The following RORA variants were observed in gnomAD, a reference collection of about 807,000 sequenced individuals.
RORA encodes RAR related orphan receptor A.
In RORA, 7 loss-of-function variants were observed where a neutral mutation model predicts 69.5. The ratio of observed to expected loss-of-function variants is 0.10; its 90% CI spans 0.06 to 0.19. RORA has a LOEUF of 0.19. Ranked by LOEUF, RORA falls within the 10% of genes least tolerant of loss-of-function variation. The pLI is 1.00. For missense variants in RORA, 457 were observed against 663.0 expected (o/e 0.69, Z 3.41); for synonymous variants, 261 against 240.8 (o/e 1.08, Z -0.78).
intron 1 of RORA, among the ~76,000 whole-genome samples, chr15:61,169,643 G>GAA (rs59638048): frequency 1.9e-4 from 16 of 86,290 alleles, no homozygotes; most frequent in African/African-American, 5.4e-4. Flanking sequence ...CCATTTTCAT[G>GAA]AAAAAAAAAA....
In RORA at chr15:60,847,369, G is replaced by A. The variant is rs117826238; in HGVS notation, c.167-168683C>T. Among the ~76,000 whole-genome samples the A allele has an allele frequency of 8.4e-3, 1,272 of 152,162 alleles. 12 individuals are homozygous for A. The highest frequency in any genetic ancestry group is 0.037 in the Middle Eastern group (11 of 294). On this transcript the variant is annotated intron_variant, in intron 1 of 10. Coordinates refer to ENST00000335670, the MANE Select transcript of RORA (RefSeq NM_134261.3). Reference sequence around the variant, plus strand: ...TGGCTGAACCTCATCAGCTTCACCAGAGGACACATCCTTTCTAGAATCTCC... The same window carrying A: ...TGGCTGAACCTCATCAGCTTCACCAAAGGACACATCCTTTCTAGAATCTCC...
rs765883784 is a variant in RORA at position 60,597,617 on chromosome 15, T to TATATAC, written c.197-65767_197-65766insGTATAT. Among the ~76,000 whole-genome samples the TATATAC allele has an allele frequency of 3.7e-4, 16 of 43,526 alleles. 1 individual carries two copies. Among genetic ancestry groups the TATATAC allele is most frequent in the South Asian group, 1.5e-3 (2 of 1,298 alleles). The allele number at this position is 43,526 out of a possible 152,430, so 28.6% of individuals were successfully genotyped here. ...ATACACATATATATATATATATATA[T>TATATAC]ACATACATATATATACATATATATA... On this transcript the variant is annotated intron_variant, in intron 2 of 10. Coordinates refer to ENST00000335670, the MANE Select transcript of RORA (RefSeq NM_134261.3).
At position 61,128,248 on chromosome 15, in the gene RORA, A is replaced by G. The variant is rs1020784271; in HGVS notation, c.166+100805T>C. ...GTCTGTGTGTGAGTGTGTTTCTGCAAGGGTATACTTTTAAAGCACTAGAAA... is the reference window on the plus strand; with the variant it reads ...GTCTGTGTGTGAGTGTGTTTCTGCAGGGGTATACTTTTAAAGCACTAGAAA... On this transcript the variant is annotated intron_variant, in intron 1 of 10. Coordinates refer to ENST00000335670, the MANE Select transcript of RORA (RefSeq NM_134261.3). This position sits in a 1 kb window ranked among gnomAD's most constrained non-coding sequence, Gnocchi z 4.5. 6.6e-6 allele frequency among the ~76,000 whole-genome samples: 1 copy of G among 151,888 alleles called. No homozygotes were observed. The highest frequency in any genetic ancestry group is 2.4e-5 in the African/African-American group (1 of 41,356).
intron 1 of RORA, among the ~76,000 whole-genome samples, chr15:60,779,039 C>T (rs1300332071): frequency 6.6e-6 from 1 of 152,146 alleles, no homozygotes; most frequent in Non-Finnish European, 1.5e-5. Flanking sequence ...CTCCTCCCAA[C>T]ACTGTGTGAG....
intron 1 of RORA, among the ~76,000 whole-genome samples, chr15:60,873,981 C>T (rs1474656114): frequency 6.6e-6 from 1 of 152,072 alleles, no homozygotes; most frequent in Non-Finnish European, 1.5e-5. Flanking sequence ...TCACTTAAAA[C>T]AAATAACCTA....
chr15:61,031,046 A>T (rs1056059706), intron 1 of RORA, among the ~76,000 whole-genome samples: 3 of 152,216 alleles, frequency 2.0e-5, no homozygotes, highest in African/African-American at 7.2e-5. Context: ...AACAGTTGAC[A>T]TCAGTAACTG....
In RORA at chr15:60,771,245, C is replaced by T. The variant is rs145074163; in HGVS notation, c.167-92559G>A. 1.8e-3 allele frequency among the ~76,000 whole-genome samples: 275 copies of T among 152,218 alleles called. 1 individual carries two copies. Among genetic ancestry groups the T allele is most frequent in the African/African-American group, 6.2e-3 (257 of 41,524 alleles). On this transcript the variant is annotated intron_variant, in intron 1 of 10. Coordinates refer to ENST00000335670, the MANE Select transcript of RORA (RefSeq NM_134261.3). ...TTTCCCATCTGGAATGCCTCCTTTCCTTCTCTCGCCCTGGATTATTCAAGA... is the reference window on the plus strand; with the variant it reads ...TTTCCCATCTGGAATGCCTCCTTTCTTTCTCTCGCCCTGGATTATTCAAGA...
chr15:60,502,537 C>G (rs2065363094), intron 8 of RORA, among the ~76,000 whole-genome samples: 1 of 152,156 alleles, frequency 6.6e-6, no homozygotes. Flanking sequence ...TGATTACCAA[C>G]TAGATAAAAT....
chr15:60,547,354 C>T (rs536482440), intron 2 of RORA, among the ~76,000 whole-genome samples: 50 of 146,318 alleles, frequency 3.4e-4, no homozygotes, highest in Middle Eastern at 3.5e-3. Flanking sequence ...GATAGGGTCT[C>T]GCTCTGTCAC....
intron 1 of RORA, among the ~76,000 whole-genome samples, chr15:60,790,242 C>T (rs538648542): frequency 2.3e-3 from 350 of 152,260 alleles, no homozygotes; most frequent in Non-Finnish European, 4.1e-3. Context: ...ACCAGAGAGT[C>T]GAATTTCTCA....
chr15:60,677,509 T>G (rs1317587835), intron 2 of RORA, among the ~76,000 whole-genome samples: 1 of 152,038 alleles, frequency 6.6e-6, no homozygotes, highest in East Asian at 1.9e-4. Flanking sequence ...GAGAGCCACG[T>G]GGAGAGACTG....
chr15:60,942,914 C>A (rs532409491), intron 1 of RORA, among the ~76,000 whole-genome samples: 4 of 152,310 alleles, frequency 2.6e-5, no homozygotes, highest in Admixed American at 6.5e-5. Context: ...ATCAAGCCCA[C>A]GAAGCCCTGT....
intron 1 of RORA, among the ~76,000 whole-genome samples, chr15:60,876,314 G>C (rs372161227): frequency 1.1e-4 from 11 of 99,422 alleles, no homozygotes; most frequent in African/African-American, 3.7e-4. Context: ...CAGGAAGTGG[G>C]GGGGGGGGGG....
rs189709675 is a variant in RORA at position 60,892,472 on chromosome 15, C to T, written c.167-213786G>A. Among the ~76,000 whole-genome samples, 417 of 152,266 alleles carry T rather than the reference C, an allele frequency of 2.7e-3. 2 individuals are homozygous for T. Among genetic ancestry groups the T allele is most frequent in the African/African-American group, 9.7e-3 (403 of 41,548 alleles). ...GAACCCGTGCCTTATAATGTTTTCT[C>T]CTGCCCAATCCTCCAAAAGTCCCCG... On this transcript the variant is annotated intron_variant, in intron 1 of 10. Transcript: ENST00000335670.
chr15:60,502,021 C>T (rs989057012), intron 8 of RORA, among the ~76,000 whole-genome samples: 3 of 152,186 alleles, frequency 2.0e-5, no homozygotes, highest in Non-Finnish European at 4.4e-5. Flanking sequence ...CAATCTGTCA[C>T]CCAGGCTGGG....
intron 1 of RORA, among the ~76,000 whole-genome samples, chr15:60,973,012 T>A (rs1183341431): frequency 2.1e-5 from 3 of 145,988 alleles, no homozygotes; most frequent in African/African-American, 7.6e-5. Context: ...AAAAAAACAA[T>A]CAATGAGGGG....
chr15:61,216,322 G>GT, intron 1 of RORA, among the ~76,000 whole-genome samples: 1 of 152,170 alleles, frequency 6.6e-6, no homozygotes, highest in Non-Finnish European at 1.5e-5. Flanking sequence ...CTCAAATACT[G>GT]TAACAGCAGA....
chr15:60,878,470 G>T (rs2073644231), intron 1 of RORA, among the ~76,000 whole-genome samples: 1 of 152,132 alleles, frequency 6.6e-6, no homozygotes, highest in African/African-American at 2.4e-5. Flanking sequence ...CCAGTTGGTG[G>T]CTGGTGTGAC....
rs530537539 is a variant in RORA at position 60,551,913 on chromosome 15, G to C, written c.197-20062C>G. Among the ~76,000 whole-genome samples, 11 of 152,342 alleles carry C rather than the reference G, an allele frequency of 7.2e-5. No homozygotes were observed. The South Asian group carries it at 2.3e-3, about 32-fold the overall frequency. ...TTTATCCCAACCTCCTCATTTCACA[G>C]AGAAAAACAGAACCAGTGTGAACAG... On this transcript the variant is annotated intron_variant, in intron 2 of 10. Transcript: ENST00000335670.
Sources: allele counts gnomAD v4.1 joint callset (sites outside exome capture counted in the v4.1 genomes callset), GRCh38; gene constraint gnomAD v4.1.1; non-coding constraint Gnocchi (gnomAD v3.1); transcripts MANE v1.5; gene names NCBI Gene and HGNC (gene_info 2026-07-23, HGNC 2026-07-21).